MYO1E: variants seen among roughly 807,000 people sequenced by gnomAD.
MYO1E encodes unconventional myosin-Ie.
In MYO1E, 68 loss-of-function variants were observed where a neutral mutation model predicts 151.1. The ratio of observed to expected loss-of-function variants is 0.45; its 90% CI spans 0.37 to 0.55. MYO1E has a LOEUF of 0.55. Among genes scored for constraint, MYO1E ranks in the 20% least tolerant of loss-of-function variants. The probability of loss-of-function intolerance (pLI) is 0.00; values close to 1 mark genes in which losing one functional copy is unlikely to be tolerated. For synonymous variants in MYO1E, 601 were observed against 501.7 expected (o/e 1.20, Z -2.64); for missense variants, 1,363 against 1,389.3 (o/e 0.98, Z 0.30).
chr15:59,177,839 C>T (rs2079634045), intron 19 of MYO1E, among the ~76,000 whole-genome samples: 1 of 152,212 alleles, frequency 6.6e-6, no homozygotes, highest in African/African-American at 2.4e-5. Flanking sequence ...CACCTATTTT[C>T]CCCCTCACAG....
intron 1 of MYO1E, among the ~76,000 whole-genome samples, chr15:59,369,889 G>GCACA (rs1191258177): frequency 1.3e-5 from 2 of 151,700 alleles, no homozygotes; most frequent in African/African-American, 2.4e-5. Flanking sequence ...AAAGACACAC[G>GCACA]CACACACACA....
chr15:59,316,476 A>T (rs187394805), intron 1 of MYO1E, among the ~76,000 whole-genome samples: 1 of 152,358 alleles, frequency 6.6e-6, no homozygotes, highest in East Asian at 1.9e-4. Context: ...CCCAGCAGTC[A>T]CTATTATAGC....
At chr15:59,337,888 G>A (rs146426155) in intron 1 of MYO1E, among the ~76,000 whole-genome samples, 17 of 152,264 alleles carry the variant, frequency 1.1e-4, no homozygotes, top group African/African-American at 4.1e-4. Context: ...TAAAATCTAA[G>A]CTTAGATATA....
At chr15:59,224,013 G>C (rs1239269199) in intron 8 of MYO1E, among the ~76,000 whole-genome samples, 2 of 152,206 alleles carry the variant, frequency 1.3e-5, no homozygotes, top group African/African-American at 4.8e-5. Context: ...CTACTGCTCA[G>C]TTCTGGATCT....
At chr15:59,248,245 C>T (rs755472235) in intron 4 of MYO1E, among the ~76,000 whole-genome samples, 6 of 148,674 alleles carry the variant, frequency 4.0e-5, no homozygotes, top group South Asian at 2.1e-4. Flanking sequence ...GCATTTTGGG[C>T]GGCCAAGGCA....
At chr15:59,353,052 C>T (rs990544017) in intron 1 of MYO1E, among the ~76,000 whole-genome samples, 7 of 152,176 alleles carry the variant, frequency 4.6e-5, no homozygotes, top group Non-Finnish European at 8.8e-5. Context: ...ACACCTAGAT[C>T]TAGCCAACGG....
At chr15:59,265,637 T>A (rs1328219320) in intron 2 of MYO1E, among the ~76,000 whole-genome samples, 3 of 152,070 alleles carry the variant, frequency 2.0e-5, no homozygotes, top group Admixed American at 2.0e-4. Context: ...GGGATAATAC[T>A]ATTTGGGAAG....
intron 14 of MYO1E, among the ~76,000 whole-genome samples, chr15:59,205,796 C>T (rs1365249510): frequency 3.3e-5 from 5 of 152,146 alleles, no homozygotes; most frequent in African/African-American, 4.8e-5. Flanking sequence ...TCCCCATACC[C>T]CTTCTTCAGT....
intron 4 of MYO1E, among the ~76,000 whole-genome samples, chr15:59,252,704 G>C (rs1291469910): frequency 6.7e-6 from 1 of 148,366 alleles, no homozygotes; most frequent in African/African-American, 2.5e-5. Flanking sequence ...GACAGAGTGA[G>C]ACTCTGTCTC....
rs1344949857 is a variant in MYO1E, at chr15:59,364,427, T to C, written c.3+8071A>G. Among the ~76,000 whole-genome samples, 4 of 152,330 alleles carry C rather than the reference T, an allele frequency of 2.6e-5. No homozygotes were observed. In the East Asian group the frequency reaches 5.8e-4, roughly 22 times the overall value. ...GTGGGTGGAAGGAGGAACTCTCCCC[T>C]GTACACACTTCTGGAGGAAGTCTCC... is the stretch of plus-strand genomic sequence containing the variant. On this transcript the variant is annotated intron_variant, in intron 1 of 27. Coordinates refer to ENST00000288235, the MANE Select transcript of MYO1E (RefSeq NM_004998.4).
chr15:59,270,982 T>C (rs2080285875), intron 2 of MYO1E: 1 of 152,230 alleles, frequency 6.6e-6, no homozygotes, highest in South Asian at 2.1e-4. Flanking sequence ...TAAATCCAAC[T>C]ATATCTGTTA....
intron 22 of MYO1E, among the ~76,000 whole-genome samples, chr15:59,169,139 TAAGAGCTA>T (rs2079577737): frequency 6.6e-6 from 1 of 152,202 alleles, no homozygotes; most frequent in Non-Finnish European, 1.5e-5. Context: ...ACATTAATTG[TAAGAGCTA>T]GAGATGGGCT....
intron 4 of MYO1E, among the ~76,000 whole-genome samples, chr15:59,245,231 C>T (rs886358188): frequency 2.4e-4 from 37 of 152,192 alleles, no homozygotes; most frequent in Admixed American, 2.3e-3. Flanking sequence ...CTTGAGAATC[C>T]GGAGACACCT....
intron 6 of MYO1E, 69 bp downstream of exon 6, chr15:59,231,633 C>T (rs2080028584): frequency 6.6e-7 from 1 of 1,517,256 alleles, no homozygotes. Context: ...CTGTGGGATA[C>T]TAGACTTCAG....
chr15:59,352,085 G>C (rs1002154162), intron 1 of MYO1E, among the ~76,000 whole-genome samples: 1 of 152,144 alleles, frequency 6.6e-6, no homozygotes, highest in Non-Finnish European at 1.5e-5. Context: ...GAGGCACCCC[G>C]GGTTGATAGG....
At chr15:59,292,939 G>A (rs1195993089) in intron 1 of MYO1E, among the ~76,000 whole-genome samples, 11 of 152,154 alleles carry the variant, frequency 7.2e-5, no homozygotes, top group African/African-American at 2.7e-4. Context: ...GCAGGCAAAT[G>A]GGAGTTTGTA....
chr15:59,271,367 C>A (rs138486616), intron 2 of MYO1E, among the ~76,000 whole-genome samples: 1 of 152,300 alleles, frequency 6.6e-6, no homozygotes, highest in African/African-American at 2.4e-5. Context: ...TTTAATAAGT[C>A]ATCCATGATA....
chr15:59,360,106 T>C (rs2080877073), intron 1 of MYO1E, among the ~76,000 whole-genome samples: 1 of 152,228 alleles, frequency 6.6e-6, no homozygotes, highest in Non-Finnish European at 1.5e-5. Flanking sequence ...GGGATTTGTT[T>C]TCTCTCCAAC....
At chr15:59,204,828 T>C (rs1327134955) in intron 15 of MYO1E, among the ~76,000 whole-genome samples, 1 of 152,186 alleles carries the variant, frequency 6.6e-6, no homozygotes, top group Admixed American at 6.5e-5. Flanking sequence ...TCAACGACCA[T>C]GAAGAAGAGC....
Sources: gnomAD v4.1 joint callset for allele counts (sites outside exome capture counted in the v4.1 genomes callset) on GRCh38, gnomAD v4.1.1 for gene constraint, MANE v1.5 for transcripts, NCBI Gene and HGNC (gene_info 2026-07-23, HGNC 2026-07-21) for gene names.